GFPT1: variants seen among roughly 807,000 people sequenced by gnomAD.
The protein encoded by GFPT1 is glutamine--fructose-6-phosphate aminotransferase [isomerizing] 1.
In GFPT1, 40 loss-of-function variants were observed where a neutral mutation model predicts 92.0. The ratio of observed to expected loss-of-function variants is 0.43; its 90% confidence interval spans 0.34 to 0.57. The LOEUF (loss-of-function observed/expected upper bound fraction) is 0.57, where lower values mean the gene tolerates loss of function less well. GFPT1 is among the 20% of genes least tolerant of loss of function. The probability of loss-of-function intolerance (pLI) is 0.02; values close to 1 mark genes in which losing one functional copy is unlikely to be tolerated. For missense variants in GFPT1, 448 were observed against 869.1 expected (o/e 0.52, Z 6.09); for synonymous variants, 269 against 280.6 (o/e 0.96, Z 0.41).
At chr2:69,368,820 CT>C (rs1443753245) in intron 3 of GFPT1, among the ~76,000 whole-genome samples, 5 of 152,256 alleles carry the variant, frequency 3.3e-5, no homozygotes, top group Admixed American at 3.3e-4. Context: ...CACAATCTGC[CT>C]TTCTAGCCTC....
intron 1 of GFPT1, among the ~76,000 whole-genome samples, chr2:69,376,502 G>A (rs1482375605): frequency 6.7e-6 from 1 of 148,606 alleles, no homozygotes; most frequent in East Asian, 1.9e-4. Flanking sequence ...CTGGGAGACA[G>A]AGCGAGACTC....
chr2:69,337,964 T>C lies in GFPT1; in HGVS notation c.1416A>G (p.Ile472Met). 1 of 1,613,864 alleles carries C rather than the reference T, an allele frequency of 6.2e-7. No individual in the cohort carries two copies. The highest frequency in any genetic ancestry group is 1.3e-5 in the African/African-American group (1 of 75,056). ...GAACTCCACAATCTGTCTCCCGTGA[T>C]ATGGAACTGCCAACTGTGTTTGTGA... The part of the protein sequence containing the change: ...VGITNTVGSS[I>M]SRETDCGVHI... The change falls in exon 15 of 20, where the codon ATA (isoleucine) becomes ATG (methionine). Residue 472 changes from isoleucine to methionine, a missense_variant. By Grantham distance (10) the Ile-to-Met change is conservative. Coordinates refer to ENST00000357308, the MANE Select transcript of GFPT1 (RefSeq NM_001244710.2).
At chr2:69,327,959 C>A (rs565618244) in intron 18 of GFPT1, among the ~76,000 whole-genome samples, 6 of 151,992 alleles carry the variant, frequency 3.9e-5, no homozygotes, top group African/African-American at 1.4e-4. Context: ...ATTAGCCAGG[C>A]GTGGTGGAGT....
rs751417979 is a variant in GFPT1 at position 69,324,201 on chromosome 2, T to TTGTG, written c.*1984_*1987dup. On this transcript the variant is annotated 3_prime_UTR_variant, in exon 20 of 20. Transcript: ENST00000357308. ...GAACTTACCCTAGCTTTCAGTATAT[T>TTGTG]TGTGTGTGTGTGTGTACACATGTGC... The TTGTG allele has an allele frequency of 6.6e-6, 1 of 151,626 alleles. No individual in the cohort carries two copies. Among genetic ancestry groups the TTGTG allele is most frequent in the African/African-American group, 2.4e-5 (1 of 41,276 alleles). The allele number at this position is 151,626 out of a possible 1,614,324, so 9.4% of individuals were successfully genotyped here.
At chr2:69,352,232 C>T (rs2104643156) in intron 9 of GFPT1, among the ~76,000 whole-genome samples, 1 of 152,152 alleles carries the variant, frequency 6.6e-6, no homozygotes, top group Non-Finnish European at 1.5e-5. Flanking sequence ...CATTGCACTC[C>T]AGCCTGGGTG....
At chr2:69,330,184 C>T (rs1670627313) in intron 15 of GFPT1, among the ~76,000 whole-genome samples, 1 of 152,148 alleles carries the variant, frequency 6.6e-6, no homozygotes, top group Non-Finnish European at 1.5e-5. Context: ...CAGCCTGGGA[C>T]AGAGTGAGAC....
At chr2:69,361,923 T>A (rs1671481946) in intron 4 of GFPT1, among the ~76,000 whole-genome samples, 1 of 152,120 alleles carries the variant, frequency 6.6e-6, no homozygotes, top group African/African-American at 2.4e-5. Flanking sequence ...GAGGTTACAG[T>A]GAGCTATGAT....
rs1670519900 is a variant in GFPT1, at chr2:69,325,953, T to C, written c.*236A>G. On this transcript the variant is annotated 3_prime_UTR_variant, in exon 20 of 20. Transcript: ENST00000357308. Reference sequence around the variant, plus strand: ...AAGAAAATAATAGCTAGAATCTTTCTGATACAGATTCCAATATAGATTCCA... The same window carrying C: ...AAGAAAATAATAGCTAGAATCTTTCCGATACAGATTCCAATATAGATTCCA... The C allele has an allele frequency of 6.4e-6, 3 of 470,622 alleles. No homozygotes were observed. The highest frequency in any genetic ancestry group is 6.9e-5 in the East Asian group (2 of 28,996). The allele number at this position is 470,622 out of a possible 1,614,324, so 29.2% of individuals were successfully genotyped here. A position where few individuals can be genotyped will look rare whatever the true frequency, so the allele number is the denominator to read the frequency against.
In GFPT1 at chr2:69,349,157, T is replaced by C. The variant is rs530626620; in HGVS notation, c.846-823A>G. 4.5e-4 allele frequency among the ~76,000 whole-genome samples: 68 copies of C among 152,338 alleles called. 2 individuals are homozygous for C. The South Asian group carries it at 0.011, about 26-fold the overall frequency. ...CAGCTGGAATTCTACACTTCTGTGA[T>C]CATTGTTTAAAATTTGCCTCCTCAC... On this transcript the variant is annotated intron_variant, in intron 10 of 19. Coordinates refer to ENST00000357308, the MANE Select transcript of GFPT1 (RefSeq NM_001244710.2).
At chr2:69,333,698 C>G (rs937995247) in intron 15 of GFPT1, among the ~76,000 whole-genome samples, 2 of 152,074 alleles carry the variant, frequency 1.3e-5, no homozygotes, top group Non-Finnish European at 2.9e-5. Flanking sequence ...CCATTTATAC[C>G]CATCAATTCC....
At chr2:69,350,334 C>G in intron 9 of GFPT1, 151 bp from the exon 10 acceptor site, 1 of 649,586 alleles carries the variant, frequency 1.5e-6, no homozygotes, top group Non-Finnish European at 2.7e-6. Flanking sequence ...CACCTTATTT[C>G]CATGCAATAA....
chr2:69,331,971 G>A lies in GFPT1; in HGVS notation c.1483-2173C>T, dbSNP rs190545689. ...GCTGACATAATTTTTTAACTTTTAC[G>A]TAGTACTTTTAGACTCAGATAACTC... is the stretch of plus-strand genomic sequence containing the variant. On this transcript the variant is annotated intron_variant, in intron 15 of 19. Transcript: ENST00000357308. 2.8e-3 allele frequency among the ~76,000 whole-genome samples: 431 copies of A among 152,002 alleles called. 2 individuals carry two copies. Among genetic ancestry groups the A allele is most frequent in the Non-Finnish European group, 3.7e-3 (249 of 67,968 alleles).
At chr2:69,346,846 C>A (rs1671094353) in intron 11 of GFPT1, among the ~76,000 whole-genome samples, 1 of 152,086 alleles carries the variant, frequency 6.6e-6, no homozygotes, top group Non-Finnish European at 1.5e-5. Context: ...TCTCACACCT[C>A]AGCCACCTGA....
intron 15 of GFPT1, among the ~76,000 whole-genome samples, chr2:69,337,035 A>T (rs972280355): frequency 1.3e-4 from 20 of 150,782 alleles, no homozygotes; most frequent in African/African-American, 3.9e-4. Flanking sequence ...TCATTAAAAA[A>T]TTTTTTTTAA....
At chr2:69,347,539 G>A (rs1052441862) in intron 11 of GFPT1, among the ~76,000 whole-genome samples, 8 of 150,096 alleles carry the variant, frequency 5.3e-5, no homozygotes, top group East Asian at 3.9e-4. Context: ...GTGCAATGGC[G>A]CAATCTCGGC....
chr2:69,330,578 TAAA>T (rs768965445), intron 15 of GFPT1, among the ~76,000 whole-genome samples: 3 of 130,646 alleles, frequency 2.3e-5, no homozygotes, highest in African/African-American at 2.8e-5. Context: ...AAGTTTGCAT[TAAA>T]AAAAAAAAAA....
chr2:69,374,540 C>T (rs2104689379), intron 1 of GFPT1, among the ~76,000 whole-genome samples: 1 of 152,206 alleles, frequency 6.6e-6, no homozygotes, highest in South Asian at 2.1e-4. Flanking sequence ...GTCTCAATCT[C>T]CTGACCTCGT....
intron 1 of GFPT1, among the ~76,000 whole-genome samples, chr2:69,379,784 C>T (rs373242112): frequency 3.8e-4 from 58 of 151,866 alleles, no homozygotes; most frequent in Admixed American, 8.5e-4. Context: ...TATAGTGATG[C>T]GATCTTGGCT....
In GFPT1 at chr2:69,338,536, C is replaced by T; in HGVS notation, c.1233G>A (p.Glu411=). 6.2e-7 allele frequency: 1 copy of T among 1,613,750 alleles called. No individual in the cohort carries two copies. The highest frequency in any genetic ancestry group is 8.5e-7 in the Non-Finnish European group (1 of 1,179,662). ...ATRQVLEELT[E]LPVMVELASD... Reference sequence around the variant, plus strand: ...TTGCTAGTTCCACCATCACAGGCAACTCAGTCAGCTCCTCAAGAACTTGAC... The same window carrying T: ...TTGCTAGTTCCACCATCACAGGCAATTCAGTCAGCTCCTCAAGAACTTGAC... The change falls in exon 14 of 20, where the codon GAG becomes GAA. Residue 411 remains glutamate, a synonymous_variant. Coordinates refer to ENST00000357308, the MANE Select transcript of GFPT1 (RefSeq NM_001244710.2).
Sources: allele counts gnomAD v4.1 joint callset (sites outside exome capture counted in the v4.1 genomes callset), GRCh38; gene constraint gnomAD v4.1.1; transcripts MANE v1.5; gene names NCBI Gene and HGNC (gene_info 2026-07-23, HGNC 2026-07-21).